CRACD: variants seen among roughly 807,000 people sequenced by gnomAD.
CRACD encodes the protein capping protein-inhibiting regulator of actin dynamics.
In CRACD, 56 loss-of-function variants were observed where a neutral mutation model predicts 106.8. The observed-to-expected ratio is 0.52, with a 90% CI of 0.42 to 0.66. The LOEUF (loss-of-function observed/expected upper bound fraction) is 0.66. CRACD is among the 30% of genes least tolerant of loss of function. The pLI is 0.00. For missense variants in CRACD, 1,730 were observed against 1,623.2 expected (o/e 1.07, Z -1.13); for synonymous variants, 754 against 670.8 (o/e 1.12, Z -1.92).
At chr4:56,280,746 T>TC (rs1742994340) in intron 3 of CRACD, among the ~76,000 whole-genome samples, 2 of 152,310 alleles carry the variant, frequency 1.3e-5, no homozygotes, top group South Asian at 4.1e-4. Flanking sequence ...AGTATCACTG[T>TC]CCCTCAGACC....
At chr4:56,303,360 A>G (rs79720750) in intron 4 of CRACD, among the ~76,000 whole-genome samples, 9 of 152,082 alleles carry the variant, frequency 5.9e-5, no homozygotes, top group South Asian at 2.1e-4. Flanking sequence ...AAAAAAAAAA[A>G]AAAGAAAGAA....
chr4:56,289,842 T>C (rs1229129933), intron 3 of CRACD, among the ~76,000 whole-genome samples: 1 of 152,194 alleles, frequency 6.6e-6, no homozygotes, highest in Non-Finnish European at 1.5e-5. Flanking sequence ...AATCCAAACA[T>C]CTGTAAACAC....
intron 3 of CRACD, among the ~76,000 whole-genome samples, chr4:56,275,284 A>T (rs1363768002): frequency 6.6e-6 from 1 of 151,680 alleles, no homozygotes; most frequent in African/African-American, 2.4e-5. Flanking sequence ...AATAAAAGTT[A>T]AAAAAAAATT....
At chr4:56,152,356 A>T (rs920929866) in intron 1 of CRACD, among the ~76,000 whole-genome samples, 7 of 151,372 alleles carry the variant, frequency 4.6e-5, no homozygotes, top group African/African-American at 1.5e-4. Flanking sequence ...ATTTTTGGCC[A>T]TGTGTGGTGG....
chr4:56,089,905 G>A (rs1733363470), intron 1 of CRACD, among the ~76,000 whole-genome samples: 1 of 152,114 alleles, frequency 6.6e-6, no homozygotes, highest in African/African-American at 2.4e-5. Flanking sequence ...ACCATTAAGA[G>A]TTTTAATCCA....
chr4:56,109,792 GA>G (rs544833534), intron 1 of CRACD, among the ~76,000 whole-genome samples: 7 of 148,460 alleles, frequency 4.7e-5, no homozygotes, highest in East Asian at 4.0e-4. Flanking sequence ...ACCAAGTAGA[GA>G]AAAAAAAAGA....
chr4:56,057,079 C>A (rs1332253811), intron 1 of CRACD, among the ~76,000 whole-genome samples: 1 of 152,080 alleles, frequency 6.6e-6, no homozygotes, highest in Non-Finnish European at 1.5e-5. Flanking sequence ...CATTTTTTTA[C>A]TTTTAAAATG....
intron 1 of CRACD, among the ~76,000 whole-genome samples, chr4:56,117,055 C>G (rs1168521959): frequency 1.5e-5 from 2 of 137,390 alleles, no homozygotes; most frequent in Non-Finnish European, 3.1e-5. Flanking sequence ...GAGTCTTGCT[C>G]TGTCACCCAG....
chr4:56,274,773 A>G (rs956791028), intron 3 of CRACD, among the ~76,000 whole-genome samples: 13 of 152,358 alleles, frequency 8.5e-5, no homozygotes, highest in African/African-American at 2.2e-4. Flanking sequence ...TATTTAAAAA[A>G]TTAGTGGGTA....
In CRACD at chr4:56,313,109, G is replaced by A. The variant is rs1450680339; in HGVS notation, c.355-88G>A. On this transcript the variant is annotated intron_variant, in intron 6 of 10. Transcript: ENST00000682029. ...TTCCCTGGGCCAGGCTGGGCGAGGCGCACACTGGAACGAGTGCCACCGTTC... is the reference window on the plus strand; with the variant it reads ...TTCCCTGGGCCAGGCTGGGCGAGGCACACACTGGAACGAGTGCCACCGTTC... 42 of 1,196,296 alleles carry A rather than the reference G, an allele frequency of 3.5e-5. 1 individual carries two copies. The highest frequency in any genetic ancestry group is 1.9e-4 in the South Asian group (14 of 72,464). 74.1% of individuals were successfully genotyped at this position (1,196,296 alleles called of 1,614,324 possible).
At chr4:56,250,666 C>T (rs1185986972) in intron 2 of CRACD, among the ~76,000 whole-genome samples, 4 of 152,190 alleles carry the variant, frequency 2.6e-5, no homozygotes, top group Non-Finnish European at 4.4e-5. Context: ...AATCTCAGCA[C>T]TGCCAGGGAT....
rs563595823 is a variant in CRACD at position 56,329,880 on chromosome 4, T to C, written c.*2076T>C. Among the ~76,000 whole-genome samples the C allele has an allele frequency of 2.6e-3, 396 of 152,332 alleles. 4 individuals are homozygous for C. The highest frequency in any genetic ancestry group is 8.9e-3 in the African/African-American group (372 of 41,582). On this transcript the variant is annotated 3_prime_UTR_variant, in exon 11 of 11. Transcript: ENST00000682029. ...CAAAAAGTTGTAGATGTGTCAACTT[T>C]GTATTGGCTGGGATATCACTGTGCC...
At chr4:56,122,190 A>G (rs1734506705) in intron 1 of CRACD, among the ~76,000 whole-genome samples, 1 of 152,098 alleles carries the variant, frequency 6.6e-6, no homozygotes, top group Admixed American at 6.6e-5. Flanking sequence ...TCTCTTTAAA[A>G]AAAAATGTCC....
At chr4:56,280,571 T>C (rs687030) in intron 3 of CRACD, among the ~76,000 whole-genome samples, 66,154 of 152,104 alleles carry the variant, frequency 0.43, 15,097 homozygotes, top group African/African-American at 0.57. Context: ...TTGCCATTCG[T>C]TGTATTTCCC....
At chr4:56,132,681 A>G (rs1734865065) in intron 1 of CRACD, among the ~76,000 whole-genome samples, 2 of 152,086 alleles carry the variant, frequency 1.3e-5, no homozygotes. Context: ...CTTGCTTGGT[A>G]ATGGTTTCTG....
At chr4:56,187,768 G>A (rs555734910) in intron 2 of CRACD, among the ~76,000 whole-genome samples, 1 of 151,728 alleles carries the variant, frequency 6.6e-6, no homozygotes, top group Admixed American at 6.6e-5. Flanking sequence ...CACACTGAAT[G>A]CCTCCCACGG....
chr4:56,250,336 A>G (rs1044061152), intron 2 of CRACD, among the ~76,000 whole-genome samples: 1 of 152,220 alleles, frequency 6.6e-6, no homozygotes, highest in Non-Finnish European at 1.5e-5. Context: ...AGCTGGCAAT[A>G]TAATAACTAA....
intron 4 of CRACD, among the ~76,000 whole-genome samples, chr4:56,306,370 T>C (rs1015739625): frequency 6.6e-6 from 1 of 152,046 alleles, no homozygotes; most frequent in Non-Finnish European, 1.5e-5. Flanking sequence ...GGTGCATGCC[T>C]GTAATCCCAG....
chr4:56,261,883 G>A (rs1208950983), intron 2 of CRACD, among the ~76,000 whole-genome samples: 1 of 152,140 alleles, frequency 6.6e-6, no homozygotes, highest in Non-Finnish European at 1.5e-5. Flanking sequence ...CTATTTAGGT[G>A]CATATAGTCA....
Sources: allele counts gnomAD v4.1 joint callset (sites outside exome capture counted in the v4.1 genomes callset), GRCh38; gene constraint gnomAD v4.1.1; transcripts MANE v1.5; gene names NCBI Gene and HGNC (gene_info 2026-07-23, HGNC 2026-07-21).